The following ECSIT variants were observed in gnomAD, a reference collection of about 807,000 sequenced individuals.
ECSIT encodes the protein ECSIT signaling integrator, also known as evolutionarily conserved signaling intermediate in Toll pathway, mitochondrial.
ECSIT carries 29 observed loss-of-function variants against 36.8 expected under a neutral mutation model. That is an observed-to-expected ratio of 0.79 (90% confidence interval 0.59 to 1.08). The LOEUF is 1.08. Among genes scored for constraint, ECSIT ranks in the 50% least tolerant of loss-of-function variants. ECSIT has a pLI of 0.00. For missense variants in ECSIT, 542 were observed against 581.0 expected, an observed-to-expected ratio of 0.93 and a Z score of 0.69; for synonymous variants, 231 against 234.8, an observed-to-expected ratio of 0.98 and a Z score of 0.15.
chr19:11,517,595 C>G (rs1245461728), intron 2 of ECSIT, among the ~76,000 whole-genome samples: 1 of 151,686 alleles, frequency 6.6e-6, no homozygotes, highest in African/African-American at 2.4e-5. Flanking sequence ...GACTCCATCT[C>G]AAAAACAAAA....
Position 11,505,936 on chromosome 19 carries a change from A to C in ECSIT, c.*248T>G, listed in dbSNP as rs1448043069. 4.5e-6 allele frequency: 4 copies of C among 891,404 alleles called. No homozygotes were observed. Among genetic ancestry groups the C allele is most frequent in the Non-Finnish European group, 4.9e-6 (3 of 618,208 alleles). The allele number at this position is 891,404 out of a possible 1,614,324, so 55.2% of individuals were successfully genotyped here. On this transcript the variant is annotated 3_prime_UTR_variant, in exon 8 of 8. Coordinates refer to ENST00000270517, the MANE Select transcript of ECSIT (RefSeq NM_016581.5). Reference sequence around the variant, plus strand: ...AAGAATGGAAACTGCGCATGCGCACAACCAACAGCGCTCCCGCCCCTTTTT... The same window carrying C: ...AAGAATGGAAACTGCGCATGCGCACCACCAACAGCGCTCCCGCCCCTTTTT...
chr19:11,507,347 G>T, intron 7 of ECSIT, 110 bp downstream of exon 7: 7 of 772,860 alleles, frequency 9.1e-6, no homozygotes, highest in Non-Finnish European at 1.6e-5. Flanking sequence ...CTCTATAATA[G>T]TTCACTGCAA....
chr19:11,513,113 G>A lies in ECSIT; in HGVS notation c.681C>T (p.Ala227=). Residue 227 remains alanine (A), a synonymous_variant, in exon 4 of 8, where the codon GCC becomes GCT. Coordinates refer to ENST00000270517, the MANE Select transcript of ECSIT (RefSeq NM_016581.5). ...RDLPQDPVEL[A]MFGLRHMEPD... ...GCTCCATGTGCCGCAGGCCAAACAT[G>A]GCCAGCTCCACAGGGTCCTGGGGCA... The A allele has an allele frequency of 6.2e-7, 1 of 1,614,228 alleles. No homozygotes were observed. Among genetic ancestry groups the A allele is most frequent in the Non-Finnish European group, 8.5e-7 (1 of 1,180,052 alleles).
chr19:11,524,478 C>T (rs926556802), intron 1 of ECSIT, among the ~76,000 whole-genome samples: 6 of 151,600 alleles, frequency 4.0e-5, no homozygotes, highest in African/African-American at 1.5e-4. Context: ...GCCGAGATTG[C>T]GCCACACTGC....
intron 3 of ECSIT, among the ~76,000 whole-genome samples, 166 bp from the exon 4 acceptor site, chr19:11,513,445 G>A (rs1396809099): frequency 6.6e-6 from 1 of 151,790 alleles, no homozygotes; most frequent in Non-Finnish European, 1.5e-5. Context: ...AGCACATTGG[G>A]AGGCCAAGGG....
At chr19:11,510,857 G>A (rs1340601743) in intron 4 of ECSIT, among the ~76,000 whole-genome samples, 5 of 150,858 alleles carry the variant, frequency 3.3e-5, no homozygotes, top group South Asian at 2.1e-4. Context: ...GCATCCACAC[G>A]GCTGCCAGGA....
intron 4 of ECSIT, among the ~76,000 whole-genome samples, chr19:11,509,538 G>A (rs986517207): frequency 6.6e-6 from 1 of 151,332 alleles, no homozygotes; most frequent in Non-Finnish European, 1.5e-5. Flanking sequence ...GAGGCCGAGG[G>A]TGGTGGATCA....
chr19:11,528,752 T>C (rs1972266114), intron 1 of ECSIT: 1 of 152,242 alleles, frequency 6.6e-6, no homozygotes, highest in African/African-American at 2.4e-5. Flanking sequence ...TACAACAGCT[T>C]TGAAACCGGC....
intron 4 of ECSIT, among the ~76,000 whole-genome samples, chr19:11,512,675 C>T (rs1463267724): frequency 2.0e-5 from 3 of 151,810 alleles, no homozygotes; most frequent in African/African-American, 7.3e-5. Context: ...TGCCTCATGC[C>T]TGTAATCCCA....
chr19:11,526,394 C>G (rs1410132424), intron 1 of ECSIT, among the ~76,000 whole-genome samples: 1 of 152,200 alleles, frequency 6.6e-6, no homozygotes, highest in Non-Finnish European at 1.5e-5. Flanking sequence ...CTAACTGCCA[C>G]TTTGGCATAT....
chr19:11,515,340 T>C (rs554532195), intron 2 of ECSIT, among the ~76,000 whole-genome samples: 2 of 152,070 alleles, frequency 1.3e-5, no homozygotes, highest in South Asian at 4.2e-4. Flanking sequence ...CCTGACCTCG[T>C]GATCCGCCCG....
At position 11,505,953 on chromosome 19, in the gene ECSIT, C is replaced by A; in HGVS notation, c.*231G>T. 5.5e-6 allele frequency: 5 copies of A among 917,218 alleles called. No individual in the cohort carries two copies. The highest frequency in any genetic ancestry group is 7.9e-6 in the Non-Finnish European group (5 of 634,126). 56.8% of individuals were successfully genotyped at this position (917,218 alleles called of 1,614,324 possible). A position where few individuals can be genotyped will look rare whatever the true frequency, so the allele number is the denominator to read the frequency against. The stretch of plus-strand genomic sequence containing the variant: ...ATGCGCACAACCAACAGCGCTCCCG[C>A]CCCTTTTTATTTGAATTCGGAGAAC... On this transcript the variant is annotated 3_prime_UTR_variant, in exon 8 of 8. Transcript: ENST00000270517.
chr19:11,527,576 G>T (rs1401746218), intron 1 of ECSIT, among the ~76,000 whole-genome samples: 1 of 152,034 alleles, frequency 6.6e-6, no homozygotes, highest in Non-Finnish European at 1.5e-5. Context: ...AGGTACTCAG[G>T]AGACTGAGGC....
intron 1 of ECSIT, chr19:11,523,547 G>T: frequency 9.3e-7 from 1 of 1,073,562 alleles, no homozygotes. Flanking sequence ...AATCTGTGAA[G>T]CTGCCAAAGC....
At chr19:11,514,519 TTTTTTTTTTTG>T (rs1971948553) in intron 2 of ECSIT, among the ~76,000 whole-genome samples, 1 of 78,644 alleles carries the variant, frequency 1.3e-5, no homozygotes, top group Admixed American at 1.2e-4. Flanking sequence ...TTTTTTTGGG[TTTTTTTTTTTG>T]GTTTTTTTTT....
At chr19:11,512,885 G>A (rs1352684184) in intron 4 of ECSIT, among the ~76,000 whole-genome samples, 171 bp downstream of exon 4, 3 of 152,188 alleles carry the variant, frequency 2.0e-5, no homozygotes, top group Admixed American at 6.5e-5. Flanking sequence ...AGAGGCTGCA[G>A]TGAGCCGAGA....
chr19:11,507,926 A>G (rs1030737692), intron 5 of ECSIT, 65 bp downstream of exon 5: 8 of 1,613,948 alleles, frequency 5.0e-6, no homozygotes, highest in Non-Finnish European at 6.8e-6. Flanking sequence ...GCCTAGGCCC[A>G]GCGAGAACCT....
chr19:11,525,504 C>T (rs1379261551), intron 1 of ECSIT: 2 of 151,816 alleles, frequency 1.3e-5, no homozygotes, highest in Non-Finnish European at 2.9e-5. Flanking sequence ...ACAGCAAGAC[C>T]CTGACTCAAA....
chr19:11,522,324 C>A, intron 1 of ECSIT: 1 of 713,328 alleles, frequency 1.4e-6, no homozygotes, highest in Non-Finnish European at 2.5e-6. Flanking sequence ...GGTACCCCAC[C>A]TGGACCCATT....
Sources: allele counts gnomAD v4.1 joint callset (sites outside exome capture counted in the v4.1 genomes callset), GRCh38; gene constraint gnomAD v4.1.1; transcripts MANE v1.5; gene names NCBI Gene and HGNC (gene_info 2026-07-23, HGNC 2026-07-21).